The following CELF2 variants were observed in gnomAD, a reference collection of about 807,000 sequenced individuals.
CELF2 encodes CUG triplet repeat RNA-binding protein 2.
CELF2 carries 8 observed loss-of-function variants against 62.6 expected under a neutral mutation model. The ratio of observed to expected loss-of-function variants is 0.13; its 90% CI spans 0.07 to 0.23. The LOEUF (loss-of-function observed/expected upper bound fraction) is 0.23, where lower values mean the gene tolerates loss of function less well. Among genes scored for constraint, CELF2 ranks in the 10% least tolerant of loss-of-function variants. The pLI is 1.00. For missense variants in CELF2, 333 were observed against 671.0 expected (o/e 0.50, Z 5.56); for synonymous variants, 258 against 250.0 (o/e 1.03, Z -0.30).
intron 1 of CELF2, among the ~76,000 whole-genome samples, chr10:11,116,049 A>C (rs2056485520): frequency 6.6e-6 from 1 of 152,232 alleles, no homozygotes; most frequent in Admixed American, 6.5e-5. Context: ...GGAAAATAGC[A>C]AACAGTTTTA....
At chr10:10,858,494 C>A (rs997330076) in intron 1 of CELF2, among the ~76,000 whole-genome samples, 3 of 152,106 alleles carry the variant, frequency 2.0e-5, no homozygotes, top group Non-Finnish European at 4.4e-5. Flanking sequence ...ATCAGAGAAG[C>A]CTTATTGATT....
chr10:10,622,532 A>G, the CELF2 span, among the ~76,000 whole-genome samples: 2 of 151,944 alleles, frequency 1.3e-5, no homozygotes, highest in Non-Finnish European at 2.9e-5. Context: ...GTGTGCACCC[A>G]CAGTCCCAGC....
the CELF2 span, among the ~76,000 whole-genome samples, chr10:10,636,308 G>A: frequency 6.6e-6 from 1 of 152,214 alleles, no homozygotes; most frequent in Non-Finnish European, 1.5e-5. Flanking sequence ...GTTCTCTTCT[G>A]ACTGAGCCAT....
At chr10:11,106,382 A>G (rs1214216572) in intron 1 of CELF2, among the ~76,000 whole-genome samples, 1 of 152,108 alleles carries the variant, frequency 6.6e-6, no homozygotes, top group Non-Finnish European at 1.5e-5. Context: ...GATTACAGGC[A>G]TGCACCACCG....
the CELF2 span, among the ~76,000 whole-genome samples, chr10:10,523,677 T>C: frequency 1.3e-5 from 2 of 152,182 alleles, no homozygotes; most frequent in South Asian, 2.1e-4. Context: ...TTTCCCTTAA[T>C]AAACACTTAT....
the CELF2 span, among the ~76,000 whole-genome samples, chr10:10,640,119 C>A: frequency 2.6e-5 from 4 of 152,312 alleles, no homozygotes; most frequent in East Asian, 7.7e-4. Flanking sequence ...TACATCCAGT[C>A]CTACTTAACA....
At chr10:11,289,633 G>A (rs576264211) in intron 9 of CELF2, among the ~76,000 whole-genome samples, 3 of 152,326 alleles carry the variant, frequency 2.0e-5, no homozygotes, top group African/African-American at 7.2e-5. Context: ...AATGTGCTGA[G>A]ATCGCATGGC....
chr10:11,278,255 G>A (rs1211130115), intron 8 of CELF2, among the ~76,000 whole-genome samples: 1 of 152,150 alleles, frequency 6.6e-6, no homozygotes, highest in African/African-American at 2.4e-5. Flanking sequence ...GTGCTTTATG[G>A]TTTTTATCCA....
the CELF2 span, among the ~76,000 whole-genome samples, chr10:10,729,782 A>G: frequency 6.6e-6 from 1 of 152,152 alleles, no homozygotes; most frequent in African/African-American, 2.4e-5. Context: ...GTCTCAAAAA[A>G]AAAAAAGTTG....
chr10:10,657,644 A>G, the CELF2 span, among the ~76,000 whole-genome samples: 9 of 152,212 alleles, frequency 5.9e-5, no homozygotes, highest in Non-Finnish European at 1.2e-4. Flanking sequence ...GTTTAAGTAT[A>G]TACCAAACAA....
rs1270946560 is a variant in CELF2, at chr10:11,118,844, A to G, written c.75-46642A>G. Among the ~76,000 whole-genome samples, 3 of 152,172 alleles carry G rather than the reference A, an allele frequency of 2.0e-5. No homozygotes were observed. The East Asian group carries it at 5.8e-4, about 29-fold the overall frequency. On this transcript the variant is annotated intron_variant, in intron 1 of 12. Transcript: ENST00000633077. Reference sequence around the variant, plus strand: ...TGAGCAGGAGACAAGGAGGTCAGCAACCCCCAGTTCTATTTTGGTCCTGAC... The same window carrying G: ...TGAGCAGGAGACAAGGAGGTCAGCAGCCCCCAGTTCTATTTTGGTCCTGAC...
chr10:10,657,196 C>A, the CELF2 span, among the ~76,000 whole-genome samples: 1 of 152,058 alleles, frequency 6.6e-6, no homozygotes, highest in East Asian at 1.9e-4. Flanking sequence ...TTGAAATGTT[C>A]GCATTACACA....
the CELF2 span, among the ~76,000 whole-genome samples, chr10:10,696,071 A>T: frequency 1.3e-5 from 2 of 151,934 alleles, no homozygotes; most frequent in African/African-American, 4.8e-5. Flanking sequence ...CCTTTGGAGG[A>T]GGAGAGGTGC....
rs571437958 is a variant in CELF2 at position 11,220,445 on chromosome 10, A to AT, written c.354+2942dup. ...TGCAATCAAATGTGTCTGCCATAAGATTTTGATTTAAAGGCACCCTCCTTT... is the reference window on the plus strand; with the variant it reads ...TGCAATCAAATGTGTCTGCCATAAGATTTTTGATTTAAAGGCACCCTCCTTT... On this transcript the variant is annotated intron_variant, in intron 3 of 12. Coordinates refer to ENST00000633077, the MANE Select transcript of CELF2 (RefSeq NM_001326342.2). The surrounding 1 kb of genome is among the most constrained non-coding windows in gnomAD (Gnocchi z 4.4). Among the ~76,000 whole-genome samples, 54 of 152,238 alleles carry AT rather than the reference A, an allele frequency of 3.5e-4. 1 individual carries two copies. In the East Asian group the frequency reaches 9.3e-3, roughly 26 times the overall value.
At chr10:10,849,175 T>A (rs1213869332) in intron 1 of CELF2, among the ~76,000 whole-genome samples, 37 of 151,040 alleles carry the variant, frequency 2.4e-4, no homozygotes, top group Non-Finnish European at 3.5e-4. Flanking sequence ...GGCGGGCGGA[T>A]CTCTTGAGGT....
intron 1 of CELF2, among the ~76,000 whole-genome samples, chr10:10,902,714 A>G (rs1469440032): frequency 6.6e-6 from 1 of 151,972 alleles, no homozygotes. Context: ...GAAATCCTGT[A>G]CTTTAAGTGG....
the CELF2 span, among the ~76,000 whole-genome samples, chr10:10,612,520 A>G: frequency 6.6e-6 from 1 of 152,186 alleles, no homozygotes; most frequent in Admixed American, 6.5e-5. Context: ...GCAGAGACAC[A>G]TTCTGTATGG....
chr10:10,635,372 T>C, the CELF2 span, among the ~76,000 whole-genome samples: 5 of 152,224 alleles, frequency 3.3e-5, no homozygotes, highest in Middle Eastern at 3.2e-3. Context: ...AAGCCCACTT[T>C]CCTTTTTCCG....
the CELF2 span, among the ~76,000 whole-genome samples, chr10:10,696,300 C>T: frequency 1.3e-5 from 2 of 151,886 alleles, no homozygotes; most frequent in Non-Finnish European, 2.9e-5. Context: ...GGGGTGCCTC[C>T]CAGTTAGGCT....
Sources: gnomAD v4.1 joint callset for allele counts (sites outside exome capture counted in the v4.1 genomes callset) on GRCh38, gnomAD v4.1.1 for gene constraint, Gnocchi (gnomAD v3.1) non-coding constraint, MANE v1.5 for transcripts, NCBI Gene and HGNC (gene_info 2026-07-23, HGNC 2026-07-21) for gene names.